The following TGM2 variants were observed in gnomAD, a reference collection of about 807,000 sequenced individuals.
TGM2 encodes protein-glutamine gamma-glutamyltransferase 2.
A neutral mutation model predicts 75.6 loss-of-function variants in TGM2; 53 were observed. That is an observed-to-expected ratio of 0.70 (90% CI 0.56 to 0.88). TGM2 has a LOEUF of 0.88. TGM2 is among the 40% of genes least tolerant of loss of function. TGM2 has a pLI of 0.00. For synonymous variants in TGM2, 374 were observed against 381.1 expected, an observed-to-expected ratio of 0.98 and a Z score of 0.22; for missense variants, 842 against 928.5, an observed-to-expected ratio of 0.91 and a Z score of 1.21.
chr20:38,145,007 T>G (rs528582542), intron 6 of TGM2, among the ~76,000 whole-genome samples: 8 of 152,110 alleles, frequency 5.3e-5, no homozygotes, highest in Non-Finnish European at 1.0e-4. Flanking sequence ...ATTTCGGGGT[T>G]TTTCCAGGAA....
In TGM2 at chr20:38,142,138, C is replaced by T; in HGVS notation, c.921G>A (p.Gln307=). The T allele has an allele frequency of 6.2e-7, 1 of 1,614,180 alleles. No individual in the cohort carries two copies. The highest frequency in any genetic ancestry group is 8.5e-7 in the Non-Finnish European group (1 of 1,180,036). ...AGTACTCGATGAGAAGGTTGCTGTTCTGGTCATGGGCCGAGTTGTAGTTGG... is the reference window on the plus strand; with the variant it reads ...AGTACTCGATGAGAAGGTTGCTGTTTTGGTCATGGGCCGAGTTGTAGTTGG... ...VVTNYNSAHD[Q]NSNLLIEYFR... Residue 307 remains glutamine (Q), a synonymous_variant, in exon 7 of 13, where the codon CAG becomes CAA. Transcript: ENST00000361475.
chr20:38,141,240 G>A (rs780499577), intron 8 of TGM2, 42 bp downstream of exon 8: 31 of 1,496,318 alleles, frequency 2.1e-5, no homozygotes, highest in Admixed American at 1.6e-4. Flanking sequence ...TCCAAGCCTC[G>A]TCTTCCCCAT....
rs141236503 is a variant in TGM2 at position 38,130,272 on chromosome 20, C to T, written c.2011G>A (p.Asp671Asn). 8.8e-5 allele frequency: 142 copies of T among 1,613,140 alleles called. 1 individual carries two copies. In the African/African-American group the frequency reaches 1.7e-3, roughly 19 times the overall value. Reference protein sequence around the residue: ...LHKLVVNFESDKLKAVKGFRN... With the variant: ...LHKLVVNFESNKLKAVKGFRN... The stretch of plus-strand genomic sequence containing the variant: ...AAGCCCTTCACAGCCTTCAGCTTGT[C>T]GCTCTCGAAGTTCACCACCAGCTTG... Residue 671 changes from aspartate to asparagine, a missense_variant, in exon 13 of 13, where the codon GAC (aspartate) becomes AAC (asparagine). Asp to Asn is a conservative substitution (Grantham distance 23). Transcript: ENST00000361475.
intron 3 of TGM2, among the ~76,000 whole-genome samples, chr20:38,154,816 C>A (rs530624763): frequency 2.1e-4 from 32 of 152,146 alleles, no homozygotes; most frequent in African/African-American, 7.7e-4. Flanking sequence ...AACAGGGCCT[C>A]CCACCTCAGC....
chr20:38,134,161 G>A (rs978111893), intron 10 of TGM2, among the ~76,000 whole-genome samples: 3 of 152,118 alleles, frequency 2.0e-5, no homozygotes, highest in Admixed American at 1.3e-4. Context: ...TGGGATTCAA[G>A]GTTCAGGCTT....
intron 10 of TGM2, among the ~76,000 whole-genome samples, chr20:38,135,651 G>T (rs887029104): frequency 6.6e-6 from 1 of 152,034 alleles, no homozygotes; most frequent in Non-Finnish European, 1.5e-5. Flanking sequence ...GACTCTCGGG[G>T]CCTGGATGAG....
chr20:38,152,233 G>A (rs2075123213), intron 3 of TGM2, among the ~76,000 whole-genome samples: 2 of 152,190 alleles, frequency 1.3e-5, no homozygotes, highest in African/African-American at 4.8e-5. Context: ...GGGTCTAATG[G>A]AGAAGCTGGC....
intron 4 of TGM2, 109 bp from the exon 5 acceptor site, chr20:38,148,198 G>C (rs2075070207): frequency 2.8e-6 from 4 of 1,449,716 alleles, no homozygotes; most frequent in Non-Finnish European, 3.8e-6. Flanking sequence ...CCACACAGCA[G>C]ACTGGGACAC....
chr20:38,142,144 A>G lies in TGM2; in HGVS notation c.915T>C (p.His305=), dbSNP rs142987627. 28 of 1,614,146 alleles carry G rather than the reference A, an allele frequency of 1.7e-5. No individual in the cohort carries two copies. In the African/African-American group the frequency reaches 3.3e-4, roughly 19 times the overall value. ...TRVVTNYNSA[H]DQNSNLLIEY... ...CGATGAGAAGGTTGCTGTTCTGGTC[A>G]TGGGCCGAGTTGTAGTTGGTCACGA... Residue 305 remains histidine (H), a synonymous_variant, in exon 7 of 13, where the codon CAT becomes CAC. Transcript: ENST00000361475.
At chr20:38,164,302 G>A (rs2075287296) in intron 1 of TGM2, among the ~76,000 whole-genome samples, 1 of 152,194 alleles carries the variant, frequency 6.6e-6, no homozygotes. Flanking sequence ...CCCTTCCTGG[G>A]GGTTGCAATG....
chr20:38,147,488 T>C (rs1343046573), intron 5 of TGM2, among the ~76,000 whole-genome samples: 1 of 152,168 alleles, frequency 6.6e-6, no homozygotes, highest in Non-Finnish European at 1.5e-5. Flanking sequence ...GGTACCACCT[T>C]AGGGAGCCCC....
chr20:38,140,244 A>G (rs186500832), intron 8 of TGM2, among the ~76,000 whole-genome samples: 1 of 152,378 alleles, frequency 6.6e-6, no homozygotes, highest in East Asian at 1.9e-4. Flanking sequence ...CAGACTTCCA[A>G]TGCTGAGGAC....
intron 3 of TGM2, among the ~76,000 whole-genome samples, chr20:38,154,088 G>A (rs2075152092): frequency 6.6e-6 from 1 of 151,880 alleles, no homozygotes; most frequent in South Asian, 2.1e-4. Flanking sequence ...AAAGTGCCGG[G>A]ATTACAGGTG....
At position 38,139,412 on chromosome 20, in the gene TGM2, C is replaced by A; in HGVS notation, c.1342G>T (p.Gly448Trp). The change falls in exon 9 of 13, where the codon GGG (glycine) becomes TGG (tryptophan). Residue 448 changes from glycine to tryptophan, a missense_variant and splice_region_variant. Coordinates refer to ENST00000361475, the MANE Select transcript of TGM2 (RefSeq NM_004613.4). Reference sequence around the variant, plus strand: ...CATTAAAGACTCTGAGGGCACATACCCTCTGGGTATTTGTAGGTGTGGGTG... The same window carrying A: ...CATTAAAGACTCTGAGGGCACATACACTCTGGGTATTTGTAGGTGTGGGTG... ...DITHTYKYPE[G>W]SSEEREAFTR... 1.2e-6 allele frequency: 2 copies of A among 1,614,056 alleles called. No homozygotes were observed. The highest frequency in any genetic ancestry group is 1.7e-6 in the Non-Finnish European group (2 of 1,180,022).
chr20:38,142,248 C>A, intron 6 of TGM2, 49 bp from the exon 7 acceptor site: 1 of 1,609,500 alleles, frequency 6.2e-7, no homozygotes, highest in South Asian at 1.1e-5. Context: ...GACATCCGCC[C>A]TGCTCTGGGC....
At chr20:38,149,835 A>G (rs1408889406) in intron 4 of TGM2, among the ~76,000 whole-genome samples, 1 of 152,182 alleles carries the variant, frequency 6.6e-6, no homozygotes, top group Non-Finnish European at 1.5e-5. Context: ...CATTTCATTT[A>G]TATCCCACAG....
intron 6 of TGM2, among the ~76,000 whole-genome samples, chr20:38,145,001 C>T (rs532949998): frequency 4.6e-5 from 7 of 152,248 alleles, no homozygotes; most frequent in Non-Finnish European, 7.4e-5. Flanking sequence ...TCTTGGATTT[C>T]GGGGTTTTTC....
chr20:38,165,267 C>A lies in TGM2; in HGVS notation c.-69G>T. On this transcript the variant is annotated 5_prime_UTR_variant, in exon 1 of 13. Coordinates refer to ENST00000361475, the MANE Select transcript of TGM2 (RefSeq NM_004613.4). ...TCCAAGTGCGACCACTGGCGGCTGG[C>A]ACTGCCGAGGCGGAGAGCGGCGCTA... is the stretch of plus-strand genomic sequence containing the variant. 6.2e-7 allele frequency: 1 copy of A among 1,607,404 alleles called. No homozygotes were observed. Among genetic ancestry groups the A allele is most frequent in the Non-Finnish European group, 8.5e-7 (1 of 1,178,234 alleles).
At chr20:38,140,921 TTATATACATACA>T (rs1006102261) in intron 8 of TGM2, among the ~76,000 whole-genome samples, 37 of 152,220 alleles carry the variant, frequency 2.4e-4, no homozygotes, top group African/African-American at 8.9e-4. Flanking sequence ...ATATGTGTGT[TTATATACATACA>T]TATATAAACA....
Sources: allele counts gnomAD v4.1 joint callset (sites outside exome capture counted in the v4.1 genomes callset), GRCh38; gene constraint gnomAD v4.1.1; transcripts MANE v1.5; gene names NCBI Gene and HGNC (gene_info 2026-07-23, HGNC 2026-07-21).